Variants in SFMBT2 observed in about 807,000 individuals in gnomAD.
The protein encoded by SFMBT2 is Scm like with four mbt domains 2.
A neutral mutation model predicts 110.1 loss-of-function variants in SFMBT2; 38 were observed. That is an observed-to-expected ratio of 0.35 (90% CI 0.27 to 0.45). The LOEUF (loss-of-function observed/expected upper bound fraction) is 0.45. SFMBT2 is among the 20% of genes least tolerant of loss of function. The pLI, the probability that SFMBT2 is intolerant of heterozygous loss-of-function variation, is 1.00. For missense variants in SFMBT2, 1,011 were observed against 1,094.9 expected (o/e 0.92, Z 1.08); for synonymous variants, 425 against 425.4 (o/e 1.00, Z 0.01).
Position 7,367,977 on chromosome 10 carries a change from C to T in SFMBT2, c.196-88G>A. ...ACAAAAACCACTAAAAAATATGGCACTTACAAACAATATTCCTGTTGCTCT... is the reference window on the plus strand; with the variant it reads ...ACAAAAACCACTAAAAAATATGGCATTTACAAACAATATTCCTGTTGCTCT... On this transcript the variant is annotated intron_variant, in intron 3 of 20. Transcript: ENST00000397167. This position sits in a 1 kb window ranked among gnomAD's most constrained non-coding sequence, Gnocchi z 6.2. 6.6e-7 allele frequency: 1 copy of T among 1,511,730 alleles called. No individual in the cohort carries two copies. Among genetic ancestry groups the T allele is most frequent in the Non-Finnish European group, 8.9e-7 (1 of 1,124,062 alleles). The allele number at this position is 1,511,730 out of a possible 1,614,324, so 93.6% of individuals were successfully genotyped here.
At chr10:7,210,530 T>G (rs1839309324) in intron 11 of SFMBT2, among the ~76,000 whole-genome samples, 2 of 152,134 alleles carry the variant, frequency 1.3e-5, no homozygotes, top group African/African-American at 2.4e-5. Flanking sequence ...AAGGCTGGAA[T>G]CAGAAGAAGG....
chr10:7,248,263 G>A (rs138195818), intron 8 of SFMBT2, among the ~76,000 whole-genome samples: 2,873 of 152,316 alleles, frequency 0.019, 41 homozygotes, highest in Admixed American at 0.022. Context: ...AATTACTCTT[G>A]TAATGATTAC....
At chr10:7,388,830 A>G (rs1326630638) in intron 1 of SFMBT2, among the ~76,000 whole-genome samples, 1 of 152,184 alleles carries the variant, frequency 6.6e-6, no homozygotes. Flanking sequence ...GTCACTCTGC[A>G]GATGGAGTGG....
At chr10:7,229,993 A>G (rs1446093970) in intron 9 of SFMBT2, among the ~76,000 whole-genome samples, 1 of 148,592 alleles carries the variant, frequency 6.7e-6, no homozygotes, top group Non-Finnish European at 1.5e-5. Flanking sequence ...CTGGGATTAC[A>G]GACATGAGCC....
rs757829621 is a variant in SFMBT2, at chr10:7,163,770, T to G, written c.2685A>C (p.Ter895CysextTer53). The G allele has an allele frequency of 1.2e-6, 2 of 1,613,752 alleles. No individual in the cohort carries two copies. The highest frequency in any genetic ancestry group is 8.5e-7 in the Non-Finnish European group (1 of 1,179,822). ...AATGGGCCACCTCCCGAGGGCAGAC[T>G]CAGTTGGCGTACTGGGCGTAGAAAG... ...KVAFYAQYAN* is the reference protein window; with the variant it reads ...KVAFYAQYANC Residue 895 changes from the stop codon to cysteine (C), a stop_lost, in exon 21 of 21, where the codon TGA (stop) becomes TGC (cysteine). Transcript: ENST00000397167. The surrounding 1 kb of genome is among the most constrained non-coding windows in gnomAD (Gnocchi z 4.8).
chr10:7,390,010 T>C (rs1452889111), intron 1 of SFMBT2, among the ~76,000 whole-genome samples: 1 of 152,192 alleles, frequency 6.6e-6, no homozygotes, highest in Non-Finnish European at 1.5e-5. Flanking sequence ...GCATTAGATA[T>C]TACTCTTCAA....
At chr10:7,309,413 C>T (rs1842786492) in intron 4 of SFMBT2, among the ~76,000 whole-genome samples, 1 of 152,178 alleles carries the variant, frequency 6.6e-6, no homozygotes, top group African/African-American at 2.4e-5. Context: ...TGATTCTCAC[C>T]CGTGAAAAGT....
intron 2 of SFMBT2, among the ~76,000 whole-genome samples, chr10:7,375,538 T>C (rs1315651113): frequency 6.6e-6 from 1 of 152,138 alleles, no homozygotes; most frequent in Non-Finnish European, 1.5e-5. Flanking sequence ...CATTTAATAC[T>C]ATCCTAAGAT....
intron 15 of SFMBT2, among the ~76,000 whole-genome samples, chr10:7,193,965 C>T (rs1407688017): frequency 6.6e-6 from 1 of 152,166 alleles, no homozygotes; most frequent in Non-Finnish European, 1.5e-5. Flanking sequence ...GAAAAAGATG[C>T]TCCCAATGGA....
intron 4 of SFMBT2, among the ~76,000 whole-genome samples, chr10:7,341,855 T>C (rs1843915075): frequency 6.6e-6 from 1 of 152,208 alleles, no homozygotes. Context: ...CTATATATTC[T>C]GTCTACTATT....
In SFMBT2 at chr10:7,319,368, T is replaced by A. The variant is rs189640923; in HGVS notation, c.437-33414A>T. On this transcript the variant is annotated intron_variant, in intron 4 of 20. Coordinates refer to ENST00000397167, the MANE Select transcript of SFMBT2 (RefSeq NM_001387889.1). ...AAATCCAAAGTTTAAAACTGAATACTGTCACAGAGCTGCAAACACAAGGTC... is the reference window on the plus strand; with the variant it reads ...AAATCCAAAGTTTAAAACTGAATACAGTCACAGAGCTGCAAACACAAGGTC... Among the ~76,000 whole-genome samples, 9 of 152,310 alleles carry A rather than the reference T, an allele frequency of 5.9e-5. No homozygotes were observed. In the East Asian group the frequency reaches 1.7e-3, roughly 29 times the overall value.
chr10:7,178,722 G>A (rs1256229873), intron 16 of SFMBT2, among the ~76,000 whole-genome samples: 1 of 152,186 alleles, frequency 6.6e-6, no homozygotes, highest in Non-Finnish European at 1.5e-5. Context: ...GGCAACCAGA[G>A]CTACAAAAAG....
intron 4 of SFMBT2, among the ~76,000 whole-genome samples, chr10:7,321,961 T>A (rs969300539): frequency 6.6e-6 from 1 of 152,236 alleles, no homozygotes; most frequent in African/African-American, 2.4e-5. Context: ...ACTTGACAAA[T>A]TTGACCTCTA....
chr10:7,404,393 G>C (rs564204819), intron 1 of SFMBT2, among the ~76,000 whole-genome samples: 1 of 152,306 alleles, frequency 6.6e-6, no homozygotes, highest in African/African-American at 2.4e-5. Flanking sequence ...GCAGAAAGCA[G>C]GGAAGGCATA....
In SFMBT2 at chr10:7,373,565, C is replaced by T. The variant is rs534829281; in HGVS notation, c.101-3190G>A. On this transcript the variant is annotated intron_variant, in intron 2 of 20. Coordinates refer to ENST00000397167, the MANE Select transcript of SFMBT2 (RefSeq NM_001387889.1). ...GTTGTCCAGCATCAGGGTCAGGAGT[C>T]CAAAGCTGGAGCTCTTATGAAGTAC... 9.2e-5 allele frequency among the ~76,000 whole-genome samples: 14 copies of T among 152,220 alleles called. No homozygotes were observed. In the South Asian group the frequency reaches 2.7e-3, roughly 29 times the overall value.
chr10:7,279,887 T>C (rs4748804), intron 6 of SFMBT2, among the ~76,000 whole-genome samples: 88,041 of 152,048 alleles, frequency 0.58, 25,779 homozygotes, highest in East Asian at 0.75. Context: ...CCAGGTCCTA[T>C]CCAGTGAAGA....
At chr10:7,193,626 G>A (rs1022297260) in intron 15 of SFMBT2, among the ~76,000 whole-genome samples, 1 of 152,112 alleles carries the variant, frequency 6.6e-6, no homozygotes, top group Non-Finnish European at 1.5e-5. Context: ...CCCACGGACA[G>A]GAGTAAATAG....
intron 11 of SFMBT2, among the ~76,000 whole-genome samples, chr10:7,208,916 G>C (rs955315160): frequency 6.6e-6 from 1 of 152,112 alleles, no homozygotes; most frequent in African/African-American, 2.4e-5. Flanking sequence ...TATGAGGTCA[G>C]ATGCGTCGGC....
rs1846284127 is a variant in SFMBT2 at position 7,408,538 on chromosome 10, G to A, written c.-52+2323C>T. On this transcript the variant is annotated intron_variant, in intron 1 of 20. Coordinates refer to ENST00000397167, the MANE Select transcript of SFMBT2 (RefSeq NM_001387889.1). The surrounding 1 kb of genome is among the most constrained non-coding windows in gnomAD (Gnocchi z 5.7). ...GCTGCCAGATCAGGTTCGCGGGCCC[G>A]GAGGAGGTCCTCCCACCTGCCCCCG... Among the ~76,000 whole-genome samples the A allele has an allele frequency of 6.6e-6, 1 of 152,214 alleles. No individual in the cohort carries two copies. Among genetic ancestry groups the A allele is most frequent in the Non-Finnish European group, 1.5e-5 (1 of 68,034 alleles).
Sources: allele counts gnomAD v4.1 joint callset (sites outside exome capture counted in the v4.1 genomes callset), GRCh38; gene constraint gnomAD v4.1.1; non-coding constraint Gnocchi (gnomAD v3.1); transcripts MANE v1.5; gene names NCBI Gene and HGNC (gene_info 2026-07-23, HGNC 2026-07-21).